IMMP2L: variants seen among roughly 807,000 people sequenced by gnomAD.
The protein encoded by IMMP2L is inner mitochondrial membrane peptidase subunit 2, also known as mitochondrial inner membrane protease subunit 2.
Under a neutral mutation model 19.3 loss-of-function variants are expected in IMMP2L, and 18 were observed. The ratio of observed to expected loss-of-function variants is 0.93; its 90% CI spans 0.64 to 1.38. IMMP2L has a LOEUF of 1.38. Among genes scored for constraint, IMMP2L ranks in the 40% most tolerant of loss-of-function variants. IMMP2L has a pLI of 0.00. For synonymous variants in IMMP2L, 76 were observed against 73.0 expected, an observed-to-expected ratio of 1.04 and a Z score of -0.21; for missense variants, 233 against 218.2, an observed-to-expected ratio of 1.07 and a Z score of -0.43.
intron 3 of IMMP2L, among the ~76,000 whole-genome samples, chr7:111,302,518 G>A (rs1822375728): frequency 6.6e-6 from 1 of 152,088 alleles, no homozygotes; most frequent in Non-Finnish European, 1.5e-5. Flanking sequence ...GTGTGTGTGT[G>A]CAGGCACATG....
chr7:110,861,279 A>T (rs1807402108), intron 5 of IMMP2L, among the ~76,000 whole-genome samples: 1 of 151,976 alleles, frequency 6.6e-6, no homozygotes, highest in Non-Finnish European at 1.5e-5. Context: ...TGGTGACGAC[A>T]AACTTTTTTT....
chr7:110,750,257 T>A (rs986960129), intron 5 of IMMP2L, among the ~76,000 whole-genome samples: 1 of 69,642 alleles, frequency 1.4e-5, no homozygotes, highest in African/African-American at 3.1e-5. Flanking sequence ...GCTGTAAGAG[T>A]TTTTTTTGTC....
intron 3 of IMMP2L, among the ~76,000 whole-genome samples, chr7:111,448,442 C>T (rs1213732483): frequency 2.0e-5 from 3 of 151,042 alleles, no homozygotes; most frequent in Non-Finnish European, 4.4e-5. Context: ...ACTGAACAAC[C>T]TGCTCCTGAA....
chr7:111,272,359 T>G (rs181180110), intron 3 of IMMP2L, among the ~76,000 whole-genome samples: 1 of 152,204 alleles, frequency 6.6e-6, no homozygotes, highest in African/African-American at 2.4e-5. Flanking sequence ...TTAAATGGCA[T>G]GTCTAATACA....
intron 5 of IMMP2L, among the ~76,000 whole-genome samples, chr7:110,689,927 G>C (rs1793376619): frequency 6.6e-6 from 1 of 152,172 alleles, no homozygotes; most frequent in African/African-American, 2.4e-5. Context: ...AATGCATGTA[G>C]TGTAAATTCA....
At chr7:111,338,838 A>G (rs1826728359) in intron 3 of IMMP2L, among the ~76,000 whole-genome samples, 1 of 152,134 alleles carries the variant, frequency 6.6e-6, no homozygotes, top group African/African-American at 2.4e-5. Flanking sequence ...CCAATATTGC[A>G]TGCATGTGCA....
chr7:111,249,901 G>T (rs778938305), intron 3 of IMMP2L, among the ~76,000 whole-genome samples: 5 of 152,100 alleles, frequency 3.3e-5, no homozygotes, highest in Non-Finnish European at 5.9e-5. Context: ...GGAAGTTCTG[G>T]CCAGGGCAAT....
chr7:111,300,196 T>C (rs1394903699), intron 3 of IMMP2L, among the ~76,000 whole-genome samples: 3 of 152,136 alleles, frequency 2.0e-5, no homozygotes, highest in Non-Finnish European at 4.4e-5. Context: ...TAACATCCTG[T>C]ACTTTTAAGT....
intron 3 of IMMP2L, among the ~76,000 whole-genome samples, chr7:111,351,713 TTTG>T (rs200875798): frequency 0.021 from 3,268 of 152,318 alleles, 121 homozygotes; most frequent in African/African-American, 0.074. Flanking sequence ...CTCACTGTAC[TTTG>T]TTATCTAATT....
chr7:111,500,509 T>C (rs1422294997), intron 2 of IMMP2L, among the ~76,000 whole-genome samples: 1 of 152,138 alleles, frequency 6.6e-6, no homozygotes, highest in African/African-American at 2.4e-5. Flanking sequence ...GACTGCCTCC[T>C]CAAGTGGGTC....
intron 5 of IMMP2L, among the ~76,000 whole-genome samples, chr7:110,856,090 C>G (rs1806730629): frequency 6.6e-6 from 1 of 151,984 alleles, no homozygotes; most frequent in Non-Finnish European, 1.5e-5. Context: ...TCATCTACTA[C>G]AGCAATCATT....
At chr7:111,029,476 A>G (rs576889660) in intron 3 of IMMP2L, among the ~76,000 whole-genome samples, 1 of 152,316 alleles carries the variant, frequency 6.6e-6, no homozygotes, top group South Asian at 2.1e-4. Flanking sequence ...AGATACAGGT[A>G]GCTATTTCTT....
chr7:110,789,061 G>A (rs2131134890), intron 5 of IMMP2L, among the ~76,000 whole-genome samples: 1 of 151,888 alleles, frequency 6.6e-6, no homozygotes, highest in Non-Finnish European at 1.5e-5. Flanking sequence ...GTGTGTAGGT[G>A]TTCCAGCTGA....
chr7:110,676,728 G>T (rs1792327045), intron 5 of IMMP2L, among the ~76,000 whole-genome samples: 1 of 152,140 alleles, frequency 6.6e-6, no homozygotes, highest in African/African-American at 2.4e-5. Context: ...TGGATTGACA[G>T]CAATCTATCC....
chr7:111,240,215 G>A (rs1814839084), intron 3 of IMMP2L, among the ~76,000 whole-genome samples: 1 of 151,900 alleles, frequency 6.6e-6, no homozygotes, highest in Non-Finnish European at 1.5e-5. Context: ...TGTCACACTA[G>A]GCTATAATGA....
chr7:111,308,757 A>T (rs1823171130), intron 3 of IMMP2L, among the ~76,000 whole-genome samples: 1 of 152,068 alleles, frequency 6.6e-6, no homozygotes, highest in South Asian at 2.1e-4. Flanking sequence ...TGTATTCTTC[A>T]ATAATAATTT....
At chr7:111,402,311 T>A (rs1050172856) in intron 3 of IMMP2L, among the ~76,000 whole-genome samples, 6 of 152,022 alleles carry the variant, frequency 3.9e-5, no homozygotes, top group Non-Finnish European at 8.8e-5. Context: ...CAATATCAAG[T>A]TTCCTTATTC....
intron 5 of IMMP2L, among the ~76,000 whole-genome samples, chr7:110,744,602 A>G (rs1350500745): frequency 6.6e-6 from 1 of 152,240 alleles, no homozygotes; most frequent in Non-Finnish European, 1.5e-5. Flanking sequence ...CTACCCAGGC[A>G]AACAGGGTCT....
In IMMP2L at chr7:111,557,172, C is replaced by T. The variant is rs548399277; in HGVS notation, c.-3+4679G>A. Reference sequence around the variant, plus strand: ...ATCTAAGCTTTCAACCTCTCTTATCCCTACTGATGTACTGTCCTTGAAAGC... The same window carrying T: ...ATCTAAGCTTTCAACCTCTCTTATCTCTACTGATGTACTGTCCTTGAAAGC... On this transcript the variant is annotated intron_variant, in intron 1 of 5. Coordinates refer to ENST00000405709, the MANE Select transcript of IMMP2L (RefSeq NM_032549.4). 1.2e-4 allele frequency among the ~76,000 whole-genome samples: 19 copies of T among 152,198 alleles called. No homozygotes were observed. The South Asian group carries it at 4.0e-3, about 32-fold the overall frequency.
Sources: gnomAD v4.1 joint callset for allele counts (sites outside exome capture counted in the v4.1 genomes callset) on GRCh38, gnomAD v4.1.1 for gene constraint, MANE v1.5 for transcripts, NCBI Gene and HGNC (gene_info 2026-07-23, HGNC 2026-07-21) for gene names.